EXOC4: variants seen among roughly 807,000 people sequenced by gnomAD.
EXOC4 encodes the protein SEC8-like 1.
In EXOC4, 71 loss-of-function variants were observed where a neutral mutation model predicts 107.2. That is an observed-to-expected ratio of 0.66 (90% CI 0.55 to 0.81). The LOEUF is 0.81. Among genes scored for constraint, EXOC4 ranks in the 30% least tolerant of loss-of-function variants. The pLI, the probability that EXOC4 is intolerant of heterozygous loss-of-function variation, is 0.00. For missense variants in EXOC4, 1,108 were observed against 1,189.6 expected (o/e 0.93, Z 1.01); for synonymous variants, 456 against 441.2 (o/e 1.03, Z -0.42).
Position 133,831,331 on chromosome 7 carries a change from C to T in EXOC4, c.1734+13787C>T, listed in dbSNP as rs142641383. 2.3e-3 allele frequency among the ~76,000 whole-genome samples: 355 copies of T among 152,176 alleles called. 3 individuals carry two copies. The highest frequency in any genetic ancestry group is 8.0e-3 in the African/African-American group (334 of 41,500). ...ATGTAGTTATGCTCTACTTCCTTAA[C>T]GATGGAGTATCAGTATAAATGATTT... On this transcript the variant is annotated intron_variant, in intron 11 of 17. Coordinates refer to ENST00000253861, the MANE Select transcript of EXOC4 (RefSeq NM_021807.4).
At chr7:134,049,468 C>T (rs1795731328) in intron 17 of EXOC4, among the ~76,000 whole-genome samples, 1 of 152,186 alleles carries the variant, frequency 6.6e-6, no homozygotes, top group Non-Finnish European at 1.5e-5. Context: ...ATACCGTATT[C>T]TTCCTACTGT....
the EXOC4 span, among the ~76,000 whole-genome samples, chr7:134,074,146 C>T: frequency 6.6e-6 from 1 of 152,162 alleles, no homozygotes; most frequent in East Asian, 1.9e-4. Flanking sequence ...TTGGGGGACC[C>T]AACACTCCAG....
At chr7:133,701,106 G>A (rs945659748) in intron 10 of EXOC4, among the ~76,000 whole-genome samples, 4 of 152,110 alleles carry the variant, frequency 2.6e-5, no homozygotes, top group Non-Finnish European at 4.4e-5. Context: ...CTTGCAAGTG[G>A]TATTCCACCA....
At chr7:133,823,879 TATA>T (rs1797617663) in intron 11 of EXOC4, among the ~76,000 whole-genome samples, 2 of 18,890 alleles carry the variant, frequency 1.1e-4, no homozygotes, top group African/African-American at 1.3e-3. Context: ...ATATTATATA[TATA>T]TATATATATA....
intron 4 of EXOC4, among the ~76,000 whole-genome samples, chr7:133,309,067 A>G (rs1794813597): frequency 6.6e-6 from 1 of 152,206 alleles, no homozygotes; most frequent in Non-Finnish European, 1.5e-5. Context: ...TATCTGGGAC[A>G]TAGATTGGTG....
intron 10 of EXOC4, among the ~76,000 whole-genome samples, chr7:133,649,288 A>T (rs370168465): frequency 6.6e-6 from 1 of 152,006 alleles, no homozygotes; most frequent in African/African-American, 2.4e-5. Context: ...TTACTTTTCC[A>T]GCACCACTTT....
chr7:133,470,668 T>G (rs1010680943), intron 7 of EXOC4, among the ~76,000 whole-genome samples: 3 of 152,160 alleles, frequency 2.0e-5, no homozygotes, highest in African/African-American at 7.2e-5. Context: ...CTATTATTTT[T>G]GGGGCTCTTG....
chr7:133,692,514 T>C (rs950392177), intron 10 of EXOC4, among the ~76,000 whole-genome samples: 1 of 152,182 alleles, frequency 6.6e-6, no homozygotes, highest in Non-Finnish European at 1.5e-5. Context: ...GAAATTATTG[T>C]TGTGTGAATG....
chr7:133,604,710 C>CTTTTTTTTTTTTTTTT lies in EXOC4; in HGVS notation c.1418-25319_1418-25304dup, dbSNP rs61548710. Among the ~76,000 whole-genome samples the CTTTTTTTTTTTTTTTT allele has an allele frequency of 2.8e-4, 14 of 50,268 alleles. 1 individual carries two copies. The highest frequency in any genetic ancestry group is 5.4e-4 in the African/African-American group (7 of 12,866). 33.0% of individuals were successfully genotyped at this position (50,268 alleles called of 152,430 possible). A position where few individuals can be genotyped will look rare whatever the true frequency, so the allele number is the denominator to read the frequency against. On this transcript the variant is annotated intron_variant, in intron 9 of 17. Coordinates refer to ENST00000253861, the MANE Select transcript of EXOC4 (RefSeq NM_021807.4). Reference sequence around the variant, plus strand: ...TCTTTCCTTCCTTCCTTCCTTCTTTCTTTTTTTTTTTTTTTTTTTTTTTTT... The same window carrying CTTTTTTTTTTTTTTTT: ...TCTTTCCTTCCTTCCTTCCTTCTTTCTTTTTTTTTTTTTTTTTTTTTTTTTTTTTTTTTTTTTTTTT...
At chr7:133,262,009 C>A (rs963007361) in intron 1 of EXOC4, among the ~76,000 whole-genome samples, 3 of 152,174 alleles carry the variant, frequency 2.0e-5, no homozygotes, top group Admixed American at 6.5e-5. Flanking sequence ...TACTGCCCTG[C>A]AGATTCTAAC....
intron 4 of EXOC4, among the ~76,000 whole-genome samples, chr7:133,314,112 TAATC>T (rs1340730699): frequency 6.6e-6 from 1 of 152,176 alleles, no homozygotes; most frequent in African/African-American, 2.4e-5. Context: ...AGGTATTAAT[TAATC>T]AATCCCTTCT....
Position 133,796,618 on chromosome 7 carries a change from C to T in EXOC4, c.1515-20707C>T, listed in dbSNP as rs544322441. 3.9e-5 allele frequency among the ~76,000 whole-genome samples: 6 copies of T among 152,086 alleles called. 1 individual carries two copies. The South Asian group carries it at 6.2e-4, about 16-fold the overall frequency. On this transcript the variant is annotated intron_variant, in intron 10 of 17. Transcript: ENST00000253861. Reference sequence around the variant, plus strand: ...ACAAAAAATATAAAAATTAGCTGGGCGTGGTGGCATGCACCTGTAGTCCCA... The same window carrying T: ...ACAAAAAATATAAAAATTAGCTGGGTGTGGTGGCATGCACCTGTAGTCCCA...
chr7:133,381,597 A>C (rs1019114024), intron 7 of EXOC4, among the ~76,000 whole-genome samples: 41 of 152,180 alleles, frequency 2.7e-4, no homozygotes, highest in African/African-American at 8.2e-4. Context: ...TATTTTGTGG[A>C]TCTGATGAAA....
intron 9 of EXOC4, among the ~76,000 whole-genome samples, chr7:133,488,000 A>G (rs1476764004): frequency 3.9e-5 from 6 of 152,188 alleles, no homozygotes; most frequent in Non-Finnish European, 7.4e-5. Flanking sequence ...GACCACAAAC[A>G]TTTATGGCAT....
rs757017206 is a variant in EXOC4, at chr7:133,787,335, TTGTGTGTGTGTGTGTGTGTG to T, written c.1515-29955_1515-29936del. Among the ~76,000 whole-genome samples, 50 of 113,920 alleles carry T rather than the reference TTGTGTGTGTGTGTGTGTGTG, an allele frequency of 4.4e-4. 1 individual carries two copies. Among genetic ancestry groups the T allele is most frequent in the South Asian group, 1.8e-3 (5 of 2,848 alleles). 74.7% of individuals were successfully genotyped at this position (113,920 alleles called of 152,430 possible). Reference sequence around the variant, plus strand: ...GCGTGCACCACCACAATAGGCTAATTTGTGTGTGTGTGTGTGTGTGTGTGTGTGTGTGTGTGTGTGTGTGT... The same window carrying T: ...GCGTGCACCACCACAATAGGCTAATTTGTGTGTGTGTGTGTGTGTGTGTGT... On this transcript the variant is annotated intron_variant, in intron 10 of 17. Coordinates refer to ENST00000253861, the MANE Select transcript of EXOC4 (RefSeq NM_021807.4).
intron 7 of EXOC4, 56 bp downstream of exon 7, chr7:133,375,058 C>G: frequency 7.0e-7 from 1 of 1,422,136 alleles, no homozygotes; most frequent in South Asian, 1.2e-5. Context: ...TTTAGAATAA[C>G]AACAACAACA....
At chr7:133,318,912 GA>G (rs1262732542) in intron 5 of EXOC4, among the ~76,000 whole-genome samples, 1 of 152,216 alleles carries the variant, frequency 6.6e-6, no homozygotes, top group African/African-American at 2.4e-5. Flanking sequence ...CTTGGAGCTA[GA>G]AAGGTTTTGT....
At chr7:133,549,654 A>G (rs1401365587) in intron 9 of EXOC4, among the ~76,000 whole-genome samples, 1 of 152,168 alleles carries the variant, frequency 6.6e-6, no homozygotes, top group Non-Finnish European at 1.5e-5. Context: ...GAAAAATGGC[A>G]CCTATAAACG....
At chr7:134,069,488 T>C (rs949485405), downstream of EXOC4, among the ~76,000 whole-genome samples, 7 of 151,210 alleles carry the variant, frequency 4.6e-5, no homozygotes, top group African/African-American at 1.7e-4. Flanking sequence ...TTCTCCTCCT[T>C]CTTCTCCTTT....
Sources: gnomAD v4.1 joint callset for allele counts (sites outside exome capture counted in the v4.1 genomes callset) on GRCh38, gnomAD v4.1.1 for gene constraint, MANE v1.5 for transcripts, NCBI Gene and HGNC (gene_info 2026-07-23, HGNC 2026-07-21) for gene names.